Variants in KIF27 observed in about 807,000 individuals in gnomAD.
KIF27 encodes kinesin-like protein KIF27.
A neutral mutation model predicts 141.8 loss-of-function variants in KIF27; 84 were observed. The ratio of observed to expected loss-of-function variants is 0.59; its 90% CI spans 0.50 to 0.71. The LOEUF is 0.71. KIF27 is among the 30% of genes least tolerant of loss of function. KIF27 has a pLI of 0.00. For synonymous variants in KIF27, 471 were observed against 569.5 expected (o/e 0.83, Z 2.46); for missense variants, 1,306 against 1,628.4 (o/e 0.80, Z 3.41).
At chr9:83,877,326 AC>A (rs1272111710) in intron 11 of KIF27, among the ~76,000 whole-genome samples, 1 of 152,138 alleles carries the variant, frequency 6.6e-6, no homozygotes, top group East Asian at 1.9e-4. Flanking sequence ...CATTTGACCA[AC>A]ATCTCCCCGT....
intron 5 of KIF27, among the ~76,000 whole-genome samples, chr9:83,896,718 T>C (rs1393275427): frequency 1.3e-5 from 2 of 152,186 alleles, no homozygotes; most frequent in African/African-American, 2.4e-5. Flanking sequence ...AATGTATACA[T>C]ACATCAAAAC....
rs558625339 is a variant in KIF27, at chr9:83,887,253, A to G, written c.2084-57T>C. 5.2e-5 allele frequency: 63 copies of G among 1,202,242 alleles called. No individual in the cohort carries two copies. The South Asian group carries it at 1.1e-3, about 21-fold the overall frequency. The allele number at this position is 1,202,242 out of a possible 1,614,324, so 74.5% of individuals were successfully genotyped here. On this transcript the variant is annotated intron_variant, in intron 8 of 17. Transcript: ENST00000297814. Reference sequence around the variant, plus strand: ...TGCTGGTAAAATATTCAACAGAAGTAGAGTTAAAAAAAGAAAAGCAGACTC... The same window carrying G: ...TGCTGGTAAAATATTCAACAGAAGTGGAGTTAAAAAAAGAAAAGCAGACTC...
Position 83,837,480 on chromosome 9 carries a change from C to T in KIF27, c.3727G>A (p.Glu1243Lys), listed in dbSNP as rs2542780. 2.5e-6 allele frequency: 4 copies of T among 1,592,898 alleles called. No homozygotes were observed. The highest frequency in any genetic ancestry group is 1.8e-5 in the Admixed American group (1 of 55,136). ...GGCTTCAGGACTCCATCTCCAGCCT[C>T]TTGATCTAAAAATAATCCCCAAACC... The part of the protein sequence containing the change: ...RRQLAPSEYQ[E>K]AGDGVLKPEG... The change falls in exon 18 of 18, where the codon GAG (glutamate) becomes AAG (lysine). Residue 1243 changes from glutamate (E) to lysine (K), a missense_variant. Physicochemically the swap from Glu to Lys is moderately conservative, Grantham distance 56 (BLOSUM62 1). Coordinates refer to ENST00000297814, the MANE Select transcript of KIF27 (RefSeq NM_017576.4).
intron 13 of KIF27, among the ~76,000 whole-genome samples, chr9:83,860,783 G>A (rs1046159628): frequency 1.3e-4 from 20 of 152,108 alleles, no homozygotes; most frequent in African/African-American, 4.8e-4. Context: ...CCATGTTGGA[G>A]CACATTTTCA....
chr9:83,915,766 A>G (rs921150695), intron 1 of KIF27, 88 bp from the exon 2 acceptor site: 3 of 601,938 alleles, frequency 5.0e-6, no homozygotes, highest in Non-Finnish European at 8.6e-6. Flanking sequence ...AGTCAATTAG[A>G]ACAGGTTTTG....
rs143572617 is a variant in KIF27 at position 83,885,876 on chromosome 9, G to A, written c.2239+1165C>T. ...TAGTATAGATGTCCTGTTATTATTA[G>A]TTGGCAGAAGTAGCTGCTATTCAAG... On this transcript the variant is annotated intron_variant, in intron 9 of 17. Coordinates refer to ENST00000297814, the MANE Select transcript of KIF27 (RefSeq NM_017576.4). Among the ~76,000 whole-genome samples, 260 of 151,574 alleles carry A rather than the reference G, an allele frequency of 1.7e-3. 1 individual carries two copies. Among genetic ancestry groups the A allele is most frequent in the African/African-American group, 5.8e-3 (242 of 41,372 alleles).
intron 5 of KIF27, among the ~76,000 whole-genome samples, chr9:83,896,458 A>G (rs1953270316): frequency 1.3e-5 from 2 of 152,014 alleles, no homozygotes; most frequent in South Asian, 4.1e-4. Flanking sequence ...AAAATTTTTT[A>G]AAGATTCCAT....
At position 83,903,077 on chromosome 9, in the gene KIF27, C is replaced by A. The variant is rs142728940; in HGVS notation, c.1441G>T (p.Glu481Ter). ...CTAAGTACCTGGCATTTCTTAAGCT[C>A]TCTCTTCAGCTGGAGAACTGTAACA... Reference protein sequence around the residue: ...QHVTVLQLKRELKKCQCVLAA... With the variant: ...QHVTVLQLKR The change falls in exon 4 of 18, where the codon GAG (glutamate) becomes TAG (stop). Residue 481 changes from glutamate (E) to a stop codon, truncating the protein, a stop_gained. Transcript: ENST00000297814. LOFTEE classifies it high-confidence loss of function. 2.7e-5 allele frequency: 44 copies of A among 1,610,218 alleles called. No individual in the cohort carries two copies. The highest frequency in any genetic ancestry group is 3.6e-5 in the Non-Finnish European group (42 of 1,177,338).
intron 12 of KIF27, chr9:83,868,115 A>G (rs1206523327): frequency 2.9e-6 from 1 of 349,254 alleles, no homozygotes; most frequent in African/African-American, 2.1e-5. Context: ...AGCCTGACGA[A>G]GAAAGGGCTG....
intron 15 of KIF27, among the ~76,000 whole-genome samples, chr9:83,851,200 T>A (rs1221752779): frequency 6.6e-6 from 1 of 152,120 alleles, no homozygotes; most frequent in East Asian, 1.9e-4. Context: ...TTAAATGTAA[T>A]CTATGCAGTT....
At chr9:83,844,845 A>G (rs7030237) in intron 16 of KIF27, among the ~76,000 whole-genome samples, 1 of 152,220 alleles carries the variant, frequency 6.6e-6, no homozygotes, top group Admixed American at 6.5e-5. Context: ...ATAAGTTGCT[A>G]CATTCGGCCC....
Position 83,837,246 on chromosome 9 carries a change from T to C in KIF27, c.3961A>G (p.Asn1321Asp). Residue 1321 changes from asparagine to aspartate, a missense_variant, in exon 18 of 18, where the codon AAT (asparagine) becomes GAT (aspartate). This residue lies in a region of KIF27 where 148 missense variants were observed against 250.9 expected (regional missense o/e 0.59). Transcript: ENST00000297814. ...TGATTATCATCTGTTTCTGTTTTAT[T>C]CTCATTACCTAACATATGCCCACTG... ...PPSGHMLGNE[N>D]KTETDDNQFT... 6.2e-7 allele frequency: 1 copy of C among 1,613,620 alleles called. No homozygotes were observed. Among genetic ancestry groups the C allele is most frequent in the Non-Finnish European group, 8.5e-7 (1 of 1,179,686 alleles).
At chr9:83,909,997 G>A (rs1954974309) in intron 2 of KIF27, among the ~76,000 whole-genome samples, 1 of 152,132 alleles carries the variant, frequency 6.6e-6, no homozygotes, top group Admixed American at 6.6e-5. Context: ...CTGGGAGACA[G>A]AGGTTGCAGT....
At chr9:83,840,657 T>G (rs1461628383) in intron 17 of KIF27, among the ~76,000 whole-genome samples, 2 of 152,216 alleles carry the variant, frequency 1.3e-5, no homozygotes, top group African/African-American at 4.8e-5. Flanking sequence ...ACTATTTTGT[T>G]TCTTACTTGA....
At chr9:83,911,272 T>C (rs1166424259) in intron 2 of KIF27, among the ~76,000 whole-genome samples, 1 of 152,130 alleles carries the variant, frequency 6.6e-6, no homozygotes, top group African/African-American at 2.4e-5. Context: ...TCTCACTATG[T>C]TGCCCAGGAG....
intron 11 of KIF27, chr9:83,880,080 C>A: frequency 1.7e-6 from 1 of 603,056 alleles, no homozygotes; most frequent in Non-Finnish European, 2.8e-6. Flanking sequence ...ATTGTACCTT[C>A]TTTTGTGAAG....
chr9:83,851,387 G>A (rs1948568170), intron 15 of KIF27, among the ~76,000 whole-genome samples: 1 of 151,916 alleles, frequency 6.6e-6, no homozygotes, highest in African/African-American at 2.4e-5. Context: ...GTCTCACTCT[G>A]TCACCTCAGG....
chr9:83,906,631 T>C (rs993375498), intron 3 of KIF27, among the ~76,000 whole-genome samples: 1 of 151,170 alleles, frequency 6.6e-6, no homozygotes, highest in Non-Finnish European at 1.5e-5. Context: ...TAGTCCCAGC[T>C]ACTCGGGAGG....
chr9:83,882,637 CTT>C (rs911676254), intron 10 of KIF27, among the ~76,000 whole-genome samples: 3 of 152,150 alleles, frequency 2.0e-5, no homozygotes, highest in African/African-American at 7.2e-5. Context: ...AAAACTATGT[CTT>C]CTTTCTGTCC....
Sources: gnomAD v4.1 joint callset for allele counts (sites outside exome capture counted in the v4.1 genomes callset) on GRCh38, gnomAD v4.1.1 for gene constraint, gnomAD v4.1.1 regional missense constraint, MANE v1.5 for transcripts, NCBI Gene and HGNC (gene_info 2026-07-23, HGNC 2026-07-21) for gene names.